The following TSC2 variants were observed in gnomAD, a reference collection of about 807,000 sequenced individuals.
TSC2 encodes TSC complex subunit 2.
A neutral mutation model predicts 202.2 loss-of-function variants in TSC2; 29 were observed. That is an observed-to-expected ratio of 0.14 (90% CI 0.11 to 0.20). TSC2 has a LOEUF of 0.20. TSC2 is among the 10% of genes least tolerant of loss of function. TSC2 has a pLI of 1.00. For synonymous variants in TSC2, 1,349 were observed against 1,044.0 expected (o/e 1.29, Z -5.63); for missense variants, 2,429 against 2,420.0 (o/e 1.00, Z -0.08).
rs2090416468 is a variant in TSC2, at chr16:2,083,695, A to T, written c.3884A>T (p.Asp1295Val). ...GQLHRSVSWA[D>V]SAVVMEEGSP... ...AGCAGCCCCGTCTGTGTCCTCCCAG[A>T]CTCCGCCGTGGTCATGGAGGAGGGA... Residue 1295 changes from aspartate to valine, a missense_variant and splice_region_variant, in exon 33 of 42, where the codon GAC becomes GTC. By Grantham distance (152) the Asp-to-Val change is radical (BLOSUM62 -3). Transcript: ENST00000219476. 6.3e-7 allele frequency: 1 copy of T among 1,579,850 alleles called. No individual in the cohort carries two copies. The highest frequency in any genetic ancestry group is 8.6e-7 in the Non-Finnish European group (1 of 1,163,754).
Position 2,076,092 on chromosome 16 carries a change from G to C in TSC2, c.2664G>C (p.Leu888=), listed in dbSNP as rs1326043043. The C allele has an allele frequency of 1.9e-6, 3 of 1,613,978 alleles. No individual in the cohort carries two copies. Among genetic ancestry groups the C allele is most frequent in the Non-Finnish European group, 2.5e-6 (3 of 1,180,040 alleles). The change falls in exon 24 of 42, where the codon CTG becomes CTC. Residue 888 remains leucine (L), a synonymous_variant. Coordinates refer to ENST00000219476, the MANE Select transcript of TSC2 (RefSeq NM_000548.5). ...GGTTTAATCAGTACATCGTGTGTCT[G>C]GCCCATCACGTCATAGCCATGTGGT... ...PSKFNQYIVC[L]AHHVIAMWFI...
intron 14 of TSC2, chr16:2,063,426 A>C: frequency 2.7e-6 from 1 of 373,926 alleles, no homozygotes; most frequent in East Asian, 6.2e-5. Context: ...CACCTGCGTG[A>C]TCGCCAGCCC....
chr16:2,064,672 C>T, intron 15 of TSC2: 1 of 603,498 alleles, frequency 1.7e-6, no homozygotes, highest in Non-Finnish European at 2.9e-6. Flanking sequence ...GGCTGGGCCT[C>T]CTGGACCGAC....
rs886039446 is a variant in TSC2 at position 2,086,277 on chromosome 16, G to A, written c.4747G>A (p.Glu1583Lys). The A allele has an allele frequency of 1.2e-6, 2 of 1,612,854 alleles. No individual in the cohort carries two copies. Among genetic ancestry groups the A allele is most frequent in the Non-Finnish European group, 1.7e-6 (2 of 1,179,946 alleles). The change falls in exon 37 of 42, where the codon GAG (glutamate) becomes AAG (lysine). Residue 1583 changes from glutamate to lysine, a missense_variant. Physicochemically the swap from Glu to Lys is moderately conservative, Grantham distance 56. Coordinates refer to ENST00000219476, the MANE Select transcript of TSC2 (RefSeq NM_000548.5). ...EFLTGLGRLI[E>K]LKDCQPDKVY... is the part of the protein sequence containing the mutation. ...CCTGACGGGCCTGGGCCGGCTCATC[G>A]AGCTGAAGGACTGCCAGCCGGACAA...
At position 2,089,257 on chromosome 16, in the gene TSC2, C is replaced by T. The variant is rs1159339894; in HGVS notation, c.*647C>T. 5.5e-6 allele frequency: 1 copy of T among 180,622 alleles called. No individual in the cohort carries two copies. The highest frequency in any genetic ancestry group is 1.2e-5 in the Non-Finnish European group (1 of 85,980). 11.2% of individuals were successfully genotyped at this position (180,622 alleles called of 1,614,324 possible). On this transcript the variant is annotated 3_prime_UTR_variant, in exon 42 of 42. Transcript: ENST00000219476. ...GAAAATAGTGACATACAAAAATATA[C>T]ACATTTTAACACCATATAAATTACT...
rs1402491665 is a variant in TSC2 at position 2,065,169 on chromosome 16, T to G, written c.1600-350T>G. The G allele has an allele frequency of 1.1e-4, 28 of 254,740 alleles. No homozygotes were observed. In the Admixed American group the frequency reaches 1.3e-3, roughly 12 times the overall value. The allele number at this position is 254,740 out of a possible 1,614,324, so 15.8% of individuals were successfully genotyped here. ...TGGCTCATGCCTGTAATCCCAGCAC[T>G]TTGGGAGGCCAAGGCAGGCGGATCA... On this transcript the variant is annotated intron_variant, in intron 15 of 41. Transcript: ENST00000219476.
intron 10 of TSC2, among the ~76,000 whole-genome samples, chr16:2,059,780 A>G (rs561814212): frequency 6.6e-6 from 1 of 152,080 alleles, no homozygotes; most frequent in Non-Finnish European, 1.5e-5. Context: ...CAGCCTCCCA[A>G]AGTGCTGGAA....
intron 22 of TSC2, chr16:2,075,290 G>A (rs577092668): frequency 6.0e-6 from 1 of 165,708 alleles, no homozygotes; most frequent in South Asian, 1.5e-4. Context: ...CACTTTCGGA[G>A]GCCGAGGCAG....
chr16:2,078,852 T>A, intron 26 of TSC2, 180 bp from the exon 27 acceptor site: 1 of 756,094 alleles, frequency 1.3e-6, no homozygotes, highest in Admixed American at 2.2e-5. Context: ...CTCCCCGTTC[T>A]CTGGGACAAT....
At chr16:2,072,109 G>C in intron 19 of TSC2, 132 bp from the exon 20 acceptor site, 1 of 1,549,186 alleles carries the variant, frequency 6.5e-7, no homozygotes, top group Non-Finnish European at 8.7e-7. Flanking sequence ...CGCTGGGCAG[G>C]CTCCCCCGGC....
intron 16 of TSC2, among the ~76,000 whole-genome samples, chr16:2,069,109 A>G (rs2087829454): frequency 6.6e-6 from 1 of 152,144 alleles, no homozygotes; most frequent in Non-Finnish European, 1.5e-5. Flanking sequence ...GAGTTTGCAC[A>G]ATGGACACGG....
Position 2,056,698 on chromosome 16 carries a change from A to C in TSC2, c.703A>C (p.Ser235Arg), listed in dbSNP as rs1567408536. 6.2e-7 allele frequency: 1 copy of C among 1,612,490 alleles called. No individual in the cohort carries two copies. The highest frequency in any genetic ancestry group is 8.5e-7 in the Non-Finnish European group (1 of 1,180,018). ...VVCYNCLPAE[S>R]LPLFIVTLCR... is the part of the protein sequence containing the mutation. ...CTGCTACAACTGCCTGCCGGCTGAG[A>C]GCCTCCCGCTGTTCATCGTTACCCT... The change falls in exon 8 of 42, where the codon AGC becomes CGC. Residue 235 changes from serine (S) to arginine (R), a missense_variant. Physicochemically the swap from Ser to Arg is moderately radical, Grantham distance 110 (BLOSUM62 -1). Coordinates refer to ENST00000219476, the MANE Select transcript of TSC2 (RefSeq NM_000548.5).
At chr16:2,080,445 G>A (rs1392581007) in intron 30 of TSC2, 68 bp downstream of exon 30, 1 of 1,569,840 alleles carries the variant, frequency 6.4e-7, no homozygotes, top group East Asian at 2.3e-5. Context: ...GACACTCAGG[G>A]GCGATTGCAG....
chr16:2,082,598 CG>C, intron 32 of TSC2, 94 bp downstream of exon 32: 1 of 1,403,524 alleles, frequency 7.1e-7, no homozygotes, highest in East Asian at 2.3e-5. Context: ...CCCCATGGTC[CG>C]TCTGCCTCCA....
chr16:2,080,196 C>G lies in TSC2; in HGVS notation c.3429C>G (p.Asp1143Glu), dbSNP rs45487691. 1.2e-6 allele frequency: 2 copies of G among 1,612,958 alleles called. No individual in the cohort carries two copies. Among genetic ancestry groups the G allele is most frequent in the African/African-American group, 1.3e-5 (1 of 75,078 alleles). Reference sequence around the variant, plus strand: ...ATGGTCTTCGAGTTGGCGCCCTGGACGTGCCGGCCTCCCAGTTCCTGGGCA... The same window carrying G: ...ATGGTCTTCGAGTTGGCGCCCTGGAGGTGCCGGCCTCCCAGTTCCTGGGCA... The part of the protein sequence containing the change: ...GGHGLRVGAL[D>E]VPASQFLGSA... Residue 1143 changes from aspartate to glutamate, a missense_variant, in exon 30 of 42, where the codon GAC becomes GAG. Coordinates refer to ENST00000219476, the MANE Select transcript of TSC2 (RefSeq NM_000548.5).
chr16:2,052,116 G>A (rs1479153582), intron 3 of TSC2, among the ~76,000 whole-genome samples: 1 of 152,062 alleles, frequency 6.6e-6, no homozygotes, highest in Non-Finnish European at 1.5e-5. Context: ...AGTTGTTTGT[G>A]TGGGTACGGG....
Position 2,079,651 on chromosome 16 carries a change from C to T in TSC2, c.3379C>T (p.Arg1127Trp), listed in dbSNP as rs373939435. 3.4e-5 allele frequency: 55 copies of T among 1,600,156 alleles called. No homozygotes were observed. The African/African-American group carries it at 5.2e-4, about 15-fold the overall frequency. ...GCAGGTGTCCCGTGGGGCCCGGGATCGGGTCCGTTCCATGTCGGGTGAGCC... is the reference window on the plus strand; with the variant it reads ...GCAGGTGTCCCGTGGGGCCCGGGATTGGGTCCGTTCCATGTCGGGTGAGCC... ...GQQVSRGARD[R>W]VRSMSGGHGL... The change falls in exon 29 of 42, where the codon CGG becomes TGG. Residue 1127 changes from arginine (R) to tryptophan (W), a missense_variant. Physicochemically the swap from Arg to Trp is moderately radical, Grantham distance 101. Transcript: ENST00000219476. The surrounding 1 kb of genome is among the most constrained non-coding windows in gnomAD (Gnocchi z 4.6).
intron 2 of TSC2, among the ~76,000 whole-genome samples, chr16:2,049,454 G>C (rs2084814966): frequency 6.6e-6 from 1 of 152,156 alleles, no homozygotes. Context: ...TTGCCCATGA[G>C]TAAATGCTGA....
chr16:2,053,542 G>T, intron 4 of TSC2, 90 bp downstream of exon 4: 1 of 1,315,624 alleles, frequency 7.6e-7, no homozygotes, highest in Non-Finnish European at 1.1e-6. Flanking sequence ...CTCCTGCCTC[G>T]GTGAGTTGCT....
Sources: gnomAD v4.1 joint callset for allele counts (sites outside exome capture counted in the v4.1 genomes callset) on GRCh38, gnomAD v4.1.1 for gene constraint, Gnocchi (gnomAD v3.1) non-coding constraint, MANE v1.5 for transcripts, NCBI Gene and HGNC (gene_info 2026-07-23, HGNC 2026-07-21) for gene names.